Variants in ALCAM observed in about 807,000 individuals in gnomAD.
ALCAM encodes CD166 antigen.
In ALCAM, 30 loss-of-function variants were observed where a neutral mutation model predicts 70.9. The ratio of observed to expected loss-of-function variants is 0.42; its 90% confidence interval spans 0.32 to 0.57. ALCAM has a LOEUF of 0.57. Ranked by LOEUF, ALCAM falls within the 20% of genes least tolerant of loss-of-function variation. The pLI is 0.11. For missense variants in ALCAM, 591 were observed against 695.1 expected (o/e 0.85, Z 1.68); for synonymous variants, 249 against 242.5 (o/e 1.03, Z -0.25).
At chr3:105,488,120 CA>C (rs972208179) in intron 1 of ALCAM, among the ~76,000 whole-genome samples, 2 of 152,082 alleles carry the variant, frequency 1.3e-5, no homozygotes, top group Non-Finnish European at 2.9e-5. Context: ...GCACTTTTCC[CA>C]ACCCTTGTTT....
At chr3:105,537,236 G>A (rs1939993314) in intron 6 of ALCAM, among the ~76,000 whole-genome samples, 1 of 152,040 alleles carries the variant, frequency 6.6e-6, no homozygotes, top group African/African-American at 2.4e-5. Context: ...TTCTGACACT[G>A]CCTACGTTTA....
intron 1 of ALCAM, among the ~76,000 whole-genome samples, chr3:105,442,821 G>C (rs1056373113): frequency 6.6e-6 from 1 of 151,842 alleles, no homozygotes; most frequent in African/African-American, 2.4e-5. Context: ...TAATAAAACT[G>C]ATTCCTTCAA....
intron 1 of ALCAM, among the ~76,000 whole-genome samples, chr3:105,461,648 G>C (rs191633451): frequency 3.4e-4 from 51 of 151,780 alleles, no homozygotes; most frequent in Admixed American, 2.4e-3. Context: ...GGGAGAAATA[G>C]AGATGATGCT....
chr3:105,539,639 A>G (rs1045454195), intron 6 of ALCAM, among the ~76,000 whole-genome samples: 3 of 152,076 alleles, frequency 2.0e-5, no homozygotes, highest in Admixed American at 1.3e-4. Flanking sequence ...CATATAATAT[A>G]TAATTAAATT....
intron 5 of ALCAM, 57 bp downstream of exon 5, chr3:105,533,747 T>A: frequency 6.5e-7 from 1 of 1,527,228 alleles, no homozygotes; most frequent in Non-Finnish European, 9.0e-7. Context: ...TCTGACTTTC[T>A]TTGTTCTAGG....
At chr3:105,451,350 A>G (rs2152591129) in intron 1 of ALCAM, among the ~76,000 whole-genome samples, 1 of 152,100 alleles carries the variant, frequency 6.6e-6, no homozygotes, top group South Asian at 2.1e-4. Context: ...AGATGAAGAG[A>G]TAAGAAAAAA....
rs550456520 is a variant in ALCAM, at chr3:105,490,730, T to A, written c.74-29337T>A. On this transcript the variant is annotated intron_variant, in intron 1 of 15. Transcript: ENST00000306107. ...TTTGACTCCATGTCTCACATCTAGG[T>A]CATGCTGATCCAAAAGGTAGGTTCC... 3.3e-5 allele frequency among the ~76,000 whole-genome samples: 5 copies of A among 152,294 alleles called. No individual in the cohort carries two copies. The East Asian group carries it at 9.7e-4, about 29-fold the overall frequency.
intron 11 of ALCAM, among the ~76,000 whole-genome samples, chr3:105,548,227 A>G (rs1046607551): frequency 1.9e-4 from 29 of 151,382 alleles, no homozygotes; most frequent in African/African-American, 6.8e-4. Context: ...TAAAGGAAAA[A>G]TGAGAATCTG....
intron 1 of ALCAM, among the ~76,000 whole-genome samples, chr3:105,448,361 T>G (rs1937344426): frequency 6.6e-6 from 1 of 152,018 alleles, no homozygotes; most frequent in South Asian, 2.1e-4. Context: ...TAATTAAATT[T>G]GTTTGACCTA....
chr3:105,489,578 C>T (rs960798029), intron 1 of ALCAM, among the ~76,000 whole-genome samples: 2 of 152,228 alleles, frequency 1.3e-5, no homozygotes, highest in East Asian at 3.9e-4. Flanking sequence ...ATCAGTGGAG[C>T]ATTCAATGCC....
chr3:105,473,550 CA>C lies in ALCAM; in HGVS notation c.74-46514del, dbSNP rs1428981496. Among the ~76,000 whole-genome samples, 7 of 151,750 alleles carry C rather than the reference CA, an allele frequency of 4.6e-5. No individual in the cohort carries two copies. The East Asian group carries it at 1.4e-3, about 29-fold the overall frequency. ...TATCTGCATACCCTAGGCTTAAATA[CA>C]AACTGGTAAACATAGCTGGATAAGA... On this transcript the variant is annotated intron_variant, in intron 1 of 15. Transcript: ENST00000306107.
At chr3:105,473,949 A>G (rs1239123824) in intron 1 of ALCAM, among the ~76,000 whole-genome samples, 1 of 151,266 alleles carries the variant, frequency 6.6e-6, no homozygotes, top group Admixed American at 6.6e-5. Flanking sequence ...TATTCAAAAG[A>G]TTACTGCCAA....
At chr3:105,549,729 T>A (rs1004546187) in intron 11 of ALCAM, among the ~76,000 whole-genome samples, 6 of 151,390 alleles carry the variant, frequency 4.0e-5, no homozygotes, top group Non-Finnish European at 5.9e-5. Flanking sequence ...AGGAATTAAT[T>A]CCCACAGTGA....
intron 1 of ALCAM, among the ~76,000 whole-genome samples, chr3:105,447,837 C>T (rs1362271923): frequency 6.6e-6 from 1 of 152,148 alleles, no homozygotes; most frequent in Admixed American, 6.5e-5. Context: ...TGGAATGAGG[C>T]TCACGACATT....
chr3:105,455,001 T>C (rs934259407), intron 1 of ALCAM, among the ~76,000 whole-genome samples: 1 of 151,992 alleles, frequency 6.6e-6, no homozygotes, highest in Non-Finnish European at 1.5e-5. Flanking sequence ...TAAAATTTAT[T>C]AACTGAATGG....
At chr3:105,398,413 T>C (rs1936006611) in intron 1 of ALCAM, among the ~76,000 whole-genome samples, 1 of 152,108 alleles carries the variant, frequency 6.6e-6, no homozygotes, top group Non-Finnish European at 1.5e-5. Flanking sequence ...GTAAATATAA[T>C]TTTCAGAGAT....
intron 6 of ALCAM, 49 bp downstream of exon 6, chr3:105,534,894 A>G: frequency 6.7e-7 from 1 of 1,487,522 alleles, no homozygotes; most frequent in Non-Finnish European, 9.1e-7. Flanking sequence ...TAGAAATAAT[A>G]TTCAAATGCT....
intron 1 of ALCAM, among the ~76,000 whole-genome samples, chr3:105,374,239 G>T (rs1262086430): frequency 5.3e-5 from 8 of 152,062 alleles, no homozygotes; most frequent in Non-Finnish European, 1.5e-5. Flanking sequence ...TTTTTGTTGA[G>T]ATAGATAAAA....
intron 1 of ALCAM, among the ~76,000 whole-genome samples, chr3:105,400,268 T>C (rs907457078): frequency 3.9e-5 from 6 of 152,100 alleles, no homozygotes; most frequent in African/African-American, 1.4e-4. Flanking sequence ...TAATCTGCCA[T>C]TGATAAAACA....
Sources: gnomAD v4.1 joint callset for allele counts (sites outside exome capture counted in the v4.1 genomes callset) on GRCh38, gnomAD v4.1.1 for gene constraint, MANE v1.5 for transcripts, NCBI Gene and HGNC (gene_info 2026-07-23, HGNC 2026-07-21) for gene names.